WWOX: variants seen among roughly 807,000 people sequenced by gnomAD.
The protein encoded by WWOX is WW domain containing oxidoreductase.
Under a neutral mutation model 46.2 loss-of-function variants are expected in WWOX, and 69 were observed. The ratio of observed to expected loss-of-function variants is 1.49; its 90% CI spans 1.23 to 1.82. The LOEUF (loss-of-function observed/expected upper bound fraction) is 1.82, where lower values mean the gene tolerates loss of function less well. Ranked by LOEUF, WWOX falls within the 40% of genes most tolerant of loss-of-function variation. The probability of loss-of-function intolerance (pLI) is 0.00; values close to 1 mark genes in which losing one functional copy is unlikely to be tolerated. For missense variants in WWOX, 919 were observed against 542.6 expected, an observed-to-expected ratio of 1.69 and a Z score of -6.89; for synonymous variants, 359 against 202.6, an observed-to-expected ratio of 1.77 and a Z score of -6.56.
intron 8 of WWOX, among the ~76,000 whole-genome samples, chr16:78,884,736 T>C (rs1413510635): frequency 6.6e-6 from 1 of 152,244 alleles, no homozygotes; most frequent in Non-Finnish European, 1.5e-5. Flanking sequence ...TTCAAGCTAC[T>C]GGGTGTGTTC....
chr16:78,940,576 G>A (rs369110620), intron 8 of WWOX, among the ~76,000 whole-genome samples: 16 of 152,078 alleles, frequency 1.1e-4, no homozygotes, highest in Admixed American at 7.8e-4. Context: ...CCTGAGTGGG[G>A]GTATATAGGT....
chr16:79,145,876 A>T (rs1347188311), intron 8 of WWOX, among the ~76,000 whole-genome samples: 1 of 152,220 alleles, frequency 6.6e-6, no homozygotes, highest in East Asian at 1.9e-4. Flanking sequence ...GAATAAATGT[A>T]TAAGAGTGAT....
chr16:79,042,268 C>G (rs1217163985), intron 8 of WWOX, among the ~76,000 whole-genome samples: 2 of 152,220 alleles, frequency 1.3e-5, no homozygotes, highest in Non-Finnish European at 2.9e-5. Flanking sequence ...GAGGCTTCCT[C>G]ACTGTCTTTT....
At chr16:78,649,000 G>T (rs1239569437) in intron 8 of WWOX, among the ~76,000 whole-genome samples, 1 of 152,044 alleles carries the variant, frequency 6.6e-6, no homozygotes, top group East Asian at 1.9e-4. Flanking sequence ...TTGAGAGGGA[G>T]TCTCGCTCTG....
At chr16:78,570,224 G>A (rs947350750) in intron 8 of WWOX, among the ~76,000 whole-genome samples, 1 of 152,150 alleles carries the variant, frequency 6.6e-6, no homozygotes, top group Admixed American at 6.5e-5. Flanking sequence ...GCTAGACTAC[G>A]GGTCTGGGGC....
At chr16:78,953,933 A>G (rs1386380259) in intron 8 of WWOX, among the ~76,000 whole-genome samples, 4 of 152,156 alleles carry the variant, frequency 2.6e-5, no homozygotes, top group Admixed American at 6.6e-5. Flanking sequence ...TTCAGTAGTC[A>G]TTTACAAAAT....
intron 8 of WWOX, among the ~76,000 whole-genome samples, chr16:79,088,503 C>G (rs1475701035): frequency 6.6e-6 from 1 of 152,228 alleles, no homozygotes; most frequent in Non-Finnish European, 1.5e-5. Context: ...CAAGTCTTAT[C>G]TGGGCCGCTG....
At chr16:78,970,424 C>A (rs1189720546) in intron 8 of WWOX, among the ~76,000 whole-genome samples, 1 of 152,184 alleles carries the variant, frequency 6.6e-6, no homozygotes, top group Admixed American at 6.5e-5. Context: ...ACAGCAGTGA[C>A]AAAGGTGCAA....
At chr16:78,694,751 G>A (rs1055216745) in intron 8 of WWOX, among the ~76,000 whole-genome samples, 5 of 152,018 alleles carry the variant, frequency 3.3e-5, no homozygotes, top group Non-Finnish European at 5.9e-5. Context: ...CGCTTTATTG[G>A]AATATCAACT....
At position 78,890,049 on chromosome 16, in the gene WWOX, A is replaced by G. The variant is rs146016899; in HGVS notation, c.1057-321559A>G. Among the ~76,000 whole-genome samples the G allele has an allele frequency of 9.6e-3, 1,463 of 152,238 alleles. 42 individuals carry two copies. Among genetic ancestry groups the G allele is most frequent in the Non-Finnish European group, 8.1e-3 (551 of 68,010 alleles). ...AAGTTTGAAACCAAGTGGCACAAAA[A>G]CATTGCATTTATTACATAATTGCTC... On this transcript the variant is annotated intron_variant, in intron 8 of 8. Coordinates refer to ENST00000566780, the MANE Select transcript of WWOX (RefSeq NM_016373.4).
At chr16:78,729,886 T>C (rs1365052377) in intron 8 of WWOX, among the ~76,000 whole-genome samples, 1 of 152,142 alleles carries the variant, frequency 6.6e-6, no homozygotes, top group African/African-American at 2.4e-5. Flanking sequence ...CCCACAGGGC[T>C]CTATTTAGAT....
At chr16:79,055,746 G>C (rs1388729597) in intron 8 of WWOX, among the ~76,000 whole-genome samples, 1 of 152,168 alleles carries the variant, frequency 6.6e-6, no homozygotes, top group African/African-American at 2.4e-5. Context: ...GTGACCTATG[G>C]AATCAGCCTA....
At chr16:78,792,866 A>C (rs1025914827) in intron 8 of WWOX, among the ~76,000 whole-genome samples, 51 of 152,292 alleles carry the variant, frequency 3.3e-4, no homozygotes, top group African/African-American at 1.2e-3. Flanking sequence ...GGGATTTAGC[A>C]GTAACAGAAT....
chr16:78,867,044 G>C (rs954349869), intron 8 of WWOX, among the ~76,000 whole-genome samples: 2 of 152,200 alleles, frequency 1.3e-5, no homozygotes, highest in African/African-American at 4.8e-5. Context: ...TGACTTTGTG[G>C]AAGGAGAAGG....
chr16:78,725,175 C>A lies in WWOX; in HGVS notation c.1056+292423C>A, dbSNP rs759793058. On this transcript the variant is annotated intron_variant, in intron 8 of 8. Transcript: ENST00000566780. ...AGGGGGAAACACCTTTCACTTGGCT[C>A]TCATTTTCTCTTGCCTACTGCCATG... Among the ~76,000 whole-genome samples the A allele has an allele frequency of 2.0e-5, 3 of 151,544 alleles. No homozygotes were observed. The East Asian group carries it at 5.8e-4, about 29-fold the overall frequency.
At chr16:78,964,142 G>T (rs1036727942) in intron 8 of WWOX, among the ~76,000 whole-genome samples, 7 of 152,244 alleles carry the variant, frequency 4.6e-5, no homozygotes, top group African/African-American at 1.7e-4. Flanking sequence ...TACCAGTAGA[G>T]TGGGGCATTG....
chr16:78,669,449 G>A (rs1179270267), intron 8 of WWOX, among the ~76,000 whole-genome samples: 3 of 152,210 alleles, frequency 2.0e-5, no homozygotes, highest in Admixed American at 1.3e-4. Flanking sequence ...TGTCAGAACT[G>A]GAAGCAGGAA....
In WWOX at chr16:78,424,861, A is replaced by G. The variant is rs370129950; in HGVS notation, c.606-9A>G. The G allele has an allele frequency of 7.4e-6, 12 of 1,613,756 alleles. No homozygotes were observed. The highest frequency in any genetic ancestry group is 5.3e-5 in the African/African-American group (4 of 74,816). On this transcript the variant is annotated splice_polypyrimidine_tract_variant and intron_variant, in intron 6 of 8. Transcript: ENST00000566780. ...ATGTCCACATCACATGGGATATTTT[A>G]TTTTTCAGGCCTCTTCATGTGCTTG... is the stretch of plus-strand genomic sequence containing the variant.
At chr16:79,204,054 A>G (rs1193594364) in intron 8 of WWOX, 2 of 152,168 alleles carry the variant, frequency 1.3e-5, no homozygotes, top group African/African-American at 4.8e-5. Context: ...TAGAAGGACG[A>G]CACTATCAGT....
Sources: allele counts gnomAD v4.1 joint callset (sites outside exome capture counted in the v4.1 genomes callset), GRCh38; gene constraint gnomAD v4.1.1; transcripts MANE v1.5; gene names NCBI Gene and HGNC (gene_info 2026-07-23, HGNC 2026-07-21).